The following DHX32 variants were observed in gnomAD, a reference collection of about 807,000 sequenced individuals.
DHX32 encodes DEAH-box helicase 32 (putative).
Under a neutral mutation model 70.0 loss-of-function variants are expected in DHX32, and 51 were observed. The ratio of observed to expected loss-of-function variants is 0.73; its 90% confidence interval spans 0.58 to 0.92. The LOEUF is 0.92. Among genes scored for constraint, DHX32 ranks in the 40% least tolerant of loss-of-function variants. DHX32 has a pLI of 0.00. For missense variants in DHX32, 762 were observed against 891.8 expected, an observed-to-expected ratio of 0.85 and a Z score of 1.85; for synonymous variants, 310 against 315.3, an observed-to-expected ratio of 0.98 and a Z score of 0.18.
intron 4 of DHX32, 89 bp downstream of exon 4, chr10:125,853,872 C>T: frequency 2.0e-6 from 3 of 1,484,382 alleles, no homozygotes; most frequent in South Asian, 1.4e-5. Flanking sequence ...AGTTCATCCT[C>T]ACTTCCTGAT....
chr10:125,885,739 A>T (rs887803728), upstream of DHX32, among the ~76,000 whole-genome samples: 3 of 152,188 alleles, frequency 2.0e-5, no homozygotes, highest in Admixed American at 2.0e-4. Context: ...ATAGAAAACT[A>T]ATATATTCAA....
chr10:125,892,898 G>T (rs1589721482), intron 1 of DHX32, among the ~76,000 whole-genome samples: 2 of 152,272 alleles, frequency 1.3e-5, no homozygotes, highest in East Asian at 3.9e-4. Flanking sequence ...GGCAAAGCTA[G>T]AAATTAATGC....
intron 4 of DHX32, 145 bp downstream of exon 4, chr10:125,853,816 T>A (rs758731867): frequency 1.1e-4 from 103 of 905,432 alleles, no homozygotes; most frequent in Non-Finnish European, 1.5e-4. Flanking sequence ...CTGCAATAAT[T>A]CTTCTTTGCA....
intron 6 of DHX32, among the ~76,000 whole-genome samples, chr10:125,850,354 CTT>C (rs765077777): frequency 8.0e-5 from 10 of 124,550 alleles, no homozygotes; most frequent in Middle Eastern, 4.0e-3. Flanking sequence ...TTCTTTCTTT[CTT>C]TTTTTTTTTT....
chr10:125,892,179 GC>G (rs1434563286), intron 1 of DHX32, among the ~76,000 whole-genome samples: 3 of 152,210 alleles, frequency 2.0e-5, no homozygotes, highest in African/African-American at 7.2e-5. Context: ...GTCATCCCTG[GC>G]TTCTCCTTCC....
intron 1 of DHX32, among the ~76,000 whole-genome samples, chr10:125,894,293 C>G (rs1244094876): frequency 6.6e-6 from 1 of 152,122 alleles, no homozygotes; most frequent in Non-Finnish European, 1.5e-5. Context: ...ATCCCTATAT[C>G]CAAAACAATT....
intron 6 of DHX32, among the ~76,000 whole-genome samples, chr10:125,845,882 C>T (rs889994327): frequency 2.6e-5 from 4 of 152,174 alleles, no homozygotes; most frequent in Admixed American, 6.5e-5. Context: ...ACCTCTCACA[C>T]GCCAGCTCTG....
chr10:125,846,339 G>C (rs1234568067), intron 6 of DHX32, among the ~76,000 whole-genome samples: 1 of 152,108 alleles, frequency 6.6e-6, no homozygotes, highest in Non-Finnish European at 1.5e-5. Context: ...GAACAACCTA[G>C]AAAAATCAGG....
chr10:125,863,900 C>T (rs1172173172), intron 2 of DHX32, among the ~76,000 whole-genome samples: 2 of 152,190 alleles, frequency 1.3e-5, no homozygotes, highest in Non-Finnish European at 2.9e-5. Context: ...CACATACATA[C>T]ACCATGCATC....
At chr10:125,870,935 C>T (rs1337584323) in intron 1 of DHX32, among the ~76,000 whole-genome samples, 1 of 152,246 alleles carries the variant, frequency 6.6e-6, no homozygotes, top group Non-Finnish European at 1.5e-5. Context: ...CACTGCTTTA[C>T]ATAGCTAGAA....
At chr10:125,852,213 A>T (rs1944099859) in intron 6 of DHX32, 80 bp downstream of exon 6, 1 of 1,536,518 alleles carries the variant, frequency 6.5e-7, no homozygotes, top group Non-Finnish European at 8.8e-7. Flanking sequence ...GCTGCGCATC[A>T]TGTGAACTCA....
At chr10:125,847,656 TTTA>T (rs943550264) in intron 6 of DHX32, among the ~76,000 whole-genome samples, 13 of 152,314 alleles carry the variant, frequency 8.5e-5, no homozygotes, top group African/African-American at 2.9e-4. Context: ...GCACTTTATT[TTTA>T]TTATTATTAC....
rs1409476157 is a variant in DHX32 at position 125,867,121 on chromosome 10, G to A, written c.345C>T (p.Cys115=). ...CCACAGTCTGCTTGTGGACCTGTGT[G>A]CATATCACGCCCCCGTGCTGGTAGT... ...SIHYQHGGVI[C]TQVHKQTVVQ... The change falls in exon 2 of 11, where the codon TGC becomes TGT. Residue 115 remains cysteine (C), a synonymous_variant. Transcript: ENST00000284690. 6.2e-7 allele frequency: 1 copy of A among 1,614,208 alleles called. No individual in the cohort carries two copies. Among genetic ancestry groups the A allele is most frequent in the East Asian group, 2.2e-5 (1 of 44,874 alleles).
chr10:125,851,920 C>CAAAAAAAAAAA (rs56380138), intron 6 of DHX32, among the ~76,000 whole-genome samples: 7 of 86,766 alleles, frequency 8.1e-5, no homozygotes, highest in Non-Finnish European at 1.1e-4. Context: ...GACCCTGTCT[C>CAAAAAAAAAAA]AAAAAAAAAA....
At chr10:125,872,912 A>G (rs1002968963) in intron 1 of DHX32, among the ~76,000 whole-genome samples, 2 of 152,218 alleles carry the variant, frequency 1.3e-5, no homozygotes, top group Non-Finnish European at 2.9e-5. Flanking sequence ...AATCTAATCT[A>G]AATCAAGGCT....
chr10:125,844,900 C>G (rs1943991882), intron 6 of DHX32, among the ~76,000 whole-genome samples: 1 of 152,220 alleles, frequency 6.6e-6, no homozygotes, highest in African/African-American at 2.4e-5. Flanking sequence ...AGGTCACACT[C>G]CTCCTCCACT....
At chr10:125,893,078 T>C (rs1944380831) in intron 1 of DHX32, among the ~76,000 whole-genome samples, 5 of 152,250 alleles carry the variant, frequency 3.3e-5, no homozygotes. Context: ...CCATATGAGA[T>C]AAAATTCTAT....
In DHX32 at chr10:125,879,052, C is replaced by CT. The variant is rs1253753356; in HGVS notation, c.282+1490dup. Among the ~76,000 whole-genome samples, 5 of 97,526 alleles carry CT rather than the reference C, an allele frequency of 5.1e-5. No homozygotes were observed. In the Admixed American group the frequency reaches 8.0e-4, roughly 16 times the overall value. The allele number at this position is 97,526 out of a possible 152,430, so 64.0% of individuals were successfully genotyped here. On this transcript the variant is annotated intron_variant, in intron 1 of 10. Coordinates refer to ENST00000284690, the MANE Select transcript of DHX32 (RefSeq NM_018180.3). Reference sequence around the variant, plus strand: ...TTTTTTTTTTTTTTTGAGACGGGGTCTTGCTCTGTTGCCCAGGCTGAAGTA... The same window carrying CT: ...TTTTTTTTTTTTTTTGAGACGGGGTCTTTGCTCTGTTGCCCAGGCTGAAGTA...
intron 10 of DHX32, 23 bp from the exon 11 acceptor site, chr10:125,836,878 T>C (rs1016957247): frequency 1.9e-6 from 3 of 1,607,906 alleles, no homozygotes; most frequent in Middle Eastern, 3.3e-4. Context: ...GACAAAAAGA[T>C]GAGATTATGA....
Sources: gnomAD v4.1 joint callset for allele counts (sites outside exome capture counted in the v4.1 genomes callset) on GRCh38, gnomAD v4.1.1 for gene constraint, MANE v1.5 for transcripts, NCBI Gene and HGNC (gene_info 2026-07-23, HGNC 2026-07-21) for gene names.